Variants in SHMT1 observed in about 807,000 individuals in gnomAD.
SHMT1 encodes serine hydroxymethyltransferase, cytosolic.
Under a neutral mutation model 49.0 loss-of-function variants are expected in SHMT1, and 45 were observed. The ratio of observed to expected loss-of-function variants is 0.92; its 90% CI spans 0.72 to 1.18. The LOEUF (loss-of-function observed/expected upper bound fraction) is 1.18. SHMT1 is among the 50% of genes most tolerant of loss of function. SHMT1 has a pLI of 0.00. For missense variants in SHMT1, 541 were observed against 612.4 expected (o/e 0.88, Z 1.23); for synonymous variants, 232 against 246.6 (o/e 0.94, Z 0.55).
intron 2 of SHMT1, among the ~76,000 whole-genome samples, chr17:18,355,195 C>G (rs7219549): frequency 1.3e-5 from 2 of 148,788 alleles, no homozygotes; most frequent in Non-Finnish European, 3.0e-5. Flanking sequence ...TGGTGAAACC[C>G]CACCTCTACT....
chr17:18,329,680 TAAC>T (rs1201421420), intron 10 of SHMT1, among the ~76,000 whole-genome samples: 4 of 152,122 alleles, frequency 2.6e-5, no homozygotes, highest in African/African-American at 9.7e-5. Flanking sequence ...AATATTTTGT[TAAC>T]AACCCACAGA....
Position 18,353,785 on chromosome 17 carries a change from C to A in SHMT1, c.129G>T (p.Arg43=), listed in dbSNP as rs1039581953. 1 of 1,613,976 alleles carries A rather than the reference C, an allele frequency of 6.2e-7. No homozygotes were observed. The highest frequency in any genetic ancestry group is 1.3e-5 in the African/African-American group (1 of 74,892). ...VYNIIKKESN[R]QRVGLELIAS... ...CAATCAGCTCCAATCCAACCCTCTG[C>A]CGGTTACTCTCCTTCTTAATGATGT... Residue 43 remains arginine (R), a synonymous_variant, in exon 3 of 12, where the codon CGG becomes CGT. Coordinates refer to ENST00000316694, the MANE Select transcript of SHMT1 (RefSeq NM_004169.5).
At chr17:18,361,722 C>A (rs553530983) in intron 1 of SHMT1, among the ~76,000 whole-genome samples, 1 of 149,638 alleles carries the variant, frequency 6.7e-6, no homozygotes, top group African/African-American at 2.5e-5. Context: ...GGAGGCGGAG[C>A]TTGCAGTGAG....
intron 3 of SHMT1, among the ~76,000 whole-genome samples, chr17:18,348,950 G>A (rs1385398772): frequency 1.3e-5 from 2 of 148,536 alleles, no homozygotes; most frequent in Non-Finnish European, 3.0e-5. Context: ...CTGGACTCCA[G>A]CCTGGACCCT....
At chr17:18,341,120 C>T (rs1055038536) in intron 5 of SHMT1, 2 of 421,436 alleles carry the variant, frequency 4.7e-6, no homozygotes, top group African/African-American at 4.0e-5. Flanking sequence ...CAATGGAAAC[C>T]AAAATGGTTA....
intron 3 of SHMT1, chr17:18,348,649 T>G (rs1243649180): frequency 1.5e-6 from 1 of 681,642 alleles, no homozygotes; most frequent in Non-Finnish European, 2.7e-6. Context: ...AAACCAGCTG[T>G]GCAACTTGGA....
rs561312859 is a variant in SHMT1 at position 18,359,885 on chromosome 17, G to A, written c.-20+3487C>T. ...GGCTTGAACCCAGGAGGCGGAGACT[G>A]TAGTGAGCAGAGATCACACCACTGC... On this transcript the variant is annotated intron_variant, in intron 1 of 11. Coordinates refer to ENST00000316694, the MANE Select transcript of SHMT1 (RefSeq NM_004169.5). Among the ~76,000 whole-genome samples the A allele has an allele frequency of 1.1e-4, 16 of 151,920 alleles. 1 individual carries two copies. Among genetic ancestry groups the A allele is most frequent in the African/African-American group, 3.9e-4 (16 of 41,444 alleles).
intron 1 of SHMT1, among the ~76,000 whole-genome samples, chr17:18,362,808 G>T (rs1254135614): frequency 6.6e-6 from 1 of 152,154 alleles, no homozygotes; most frequent in Admixed American, 6.6e-5. Context: ...CTAGAACAGG[G>T]GGTGGCAGAT....
At chr17:18,337,836 G>T (rs1454020684) in intron 7 of SHMT1, among the ~76,000 whole-genome samples, 2,064 of 92,490 alleles carry the variant, frequency 0.022, no homozygotes, top group African/African-American at 0.044. Flanking sequence ...GGCCTCCCGA[G>T]GTGCCGGGAT....
rs1982746341 is a variant in SHMT1, at chr17:18,327,977, A to C, written c.*773T>G. ...TCTTGTAGACATTCTGTGGTTAAAA[A>C]TTTGATTGTGCTTATTAAAAATGGT... On this transcript the variant is annotated 3_prime_UTR_variant, in exon 12 of 12. Transcript: ENST00000316694. The C allele has an allele frequency of 6.6e-6, 1 of 152,640 alleles. No individual in the cohort carries two copies. The allele number at this position is 152,640 out of a possible 1,614,324, so 9.5% of individuals were successfully genotyped here.
At chr17:18,329,855 A>G (rs573337177) in intron 10 of SHMT1, among the ~76,000 whole-genome samples, 14 of 152,034 alleles carry the variant, frequency 9.2e-5, no homozygotes, top group Middle Eastern at 3.4e-3. Context: ...CCCCCGCTCC[A>G]TTTTTTGTTT....
At chr17:18,359,031 G>A (rs1015823554) in intron 1 of SHMT1, among the ~76,000 whole-genome samples, 4 of 151,140 alleles carry the variant, frequency 2.6e-5, no homozygotes, top group Admixed American at 2.0e-4. Context: ...CAAGGCGTGC[G>A]GATCATGAGG....
chr17:18,348,492 G>GAAGCACAGA, intron 3 of SHMT1, 52 bp from the exon 4 acceptor site: 1 of 1,332,458 alleles, frequency 7.5e-7, no homozygotes, highest in Non-Finnish European at 1.1e-6. Context: ...GAAAGTCTGT[G>GAAGCACAGA]CTTCACAGAG....
chr17:18,354,351 G>A (rs914395188), intron 2 of SHMT1, among the ~76,000 whole-genome samples: 2 of 152,174 alleles, frequency 1.3e-5, no homozygotes, highest in Non-Finnish European at 2.9e-5. Context: ...CCCGGGAGGC[G>A]GAGGTTGCAG....
chr17:18,329,957 GT>G (rs1164785372), intron 10 of SHMT1, among the ~76,000 whole-genome samples: 6 of 152,190 alleles, frequency 3.9e-5, no homozygotes, highest in African/African-American at 1.4e-4. Context: ...TGCCTCCTGG[GT>G]TCAAGCAATT....
chr17:18,361,940 G>C (rs1386034396), intron 1 of SHMT1, among the ~76,000 whole-genome samples: 2 of 152,172 alleles, frequency 1.3e-5, no homozygotes, highest in African/African-American at 4.8e-5. Context: ...TGTGTGGCAT[G>C]ATCCTCAACG....
At chr17:18,330,711 C>A (rs1477315129) in intron 9 of SHMT1, 40 bp from the exon 10 acceptor site, 1 of 1,414,332 alleles carries the variant, frequency 7.1e-7, no homozygotes, top group Non-Finnish European at 1.0e-6. Flanking sequence ...CAGGCGAATT[C>A]TATGCCGTGA....
intron 1 of SHMT1, among the ~76,000 whole-genome samples, chr17:18,361,701 G>GC (rs1465502452): frequency 6.9e-6 from 1 of 145,174 alleles, no homozygotes; most frequent in African/African-American, 2.6e-5. Context: ...CAGGAGAATG[G>GC]CGTGAACCCG....
Position 18,333,244 on chromosome 17 carries a change from C to T in SHMT1, c.976G>A (p.Val326Ile). ...TTGGCCACCACCTGGTGTTGATAAA[C>T]TTTAAATTCCAGAGTCATAGCTTGC... ...LKQAMTLEFKVYQHQVVANCR... is the reference protein window; with the variant it reads ...LKQAMTLEFKIYQHQVVANCR... Residue 326 changes from valine (V) to isoleucine (I), a missense_variant, in exon 9 of 12, where the codon GTT becomes ATT. Coordinates refer to ENST00000316694, the MANE Select transcript of SHMT1 (RefSeq NM_004169.5). 6.2e-7 allele frequency: 1 copy of T among 1,613,874 alleles called. No homozygotes were observed. The highest frequency in any genetic ancestry group is 8.5e-7 in the Non-Finnish European group (1 of 1,179,978).
Sources: gnomAD v4.1 joint callset for allele counts (sites outside exome capture counted in the v4.1 genomes callset) on GRCh38, gnomAD v4.1.1 for gene constraint, MANE v1.5 for transcripts, NCBI Gene and HGNC (gene_info 2026-07-23, HGNC 2026-07-21) for gene names.